The following PHC3 variants were observed in gnomAD, a reference collection of about 807,000 sequenced individuals.
PHC3 encodes polyhomeotic-like protein 3.
In PHC3, 13 loss-of-function variants were observed where a neutral mutation model predicts 107.4. That is an observed-to-expected ratio of 0.12 (90% CI 0.08 to 0.19). The LOEUF (loss-of-function observed/expected upper bound fraction) is 0.19. Among genes scored for constraint, PHC3 ranks in the 10% least tolerant of loss-of-function variants. The probability of loss-of-function intolerance (pLI) is 1.00; values close to 1 mark genes in which losing one functional copy is unlikely to be tolerated. For missense variants in PHC3, 992 were observed against 1,210.9 expected (o/e 0.82, Z 2.68); for synonymous variants, 456 against 427.4 (o/e 1.07, Z -0.83).
At chr3:170,099,406 A>G (rs1464765430) in intron 14 of PHC3, among the ~76,000 whole-genome samples, 1 of 152,208 alleles carries the variant, frequency 6.6e-6, no homozygotes, top group Non-Finnish European at 1.5e-5. Flanking sequence ...AAAAATTGGA[A>G]GCAAGTATGC....
intron 4 of PHC3, among the ~76,000 whole-genome samples, chr3:170,153,098 T>G (rs1726289557): frequency 6.6e-6 from 1 of 152,224 alleles, no homozygotes; most frequent in South Asian, 2.1e-4. Context: ...AACACATCTT[T>G]CTGGGTATCC....
At position 170,096,260 on chromosome 3, in the gene PHC3, T is replaced by C. The variant is rs935385581; in HGVS notation, c.*970A>G. 1.2e-4 allele frequency: 18 copies of C among 152,194 alleles called. No individual in the cohort carries two copies. The highest frequency in any genetic ancestry group is 4.3e-4 in the African/African-American group (18 of 41,454). 9.4% of individuals were successfully genotyped at this position (152,194 alleles called of 1,614,324 possible). Reference sequence around the variant, plus strand: ...CAGAATATTAATGTTATCTGAATAATACTTCCATCATATATGTTTAGTAAG... The same window carrying C: ...CAGAATATTAATGTTATCTGAATAACACTTCCATCATATATGTTTAGTAAG... On this transcript the variant is annotated 3_prime_UTR_variant, in exon 15 of 15. Coordinates refer to ENST00000495893, the MANE Select transcript of PHC3 (RefSeq NM_024947.4).
intron 4 of PHC3, 54 bp downstream of exon 4, chr3:170,171,319 G>A: frequency 7.7e-7 from 1 of 1,299,924 alleles, no homozygotes; most frequent in Non-Finnish European, 1.1e-6. Context: ...TTTACTTTTG[G>A]AAAACAATTC....
chr3:170,146,652 C>A (rs942397060), intron 5 of PHC3, among the ~76,000 whole-genome samples: 1 of 149,914 alleles, frequency 6.7e-6, no homozygotes, highest in African/African-American at 2.4e-5. Context: ...CCTGCCTCAG[C>A]TTCCCGAGTA....
chr3:170,111,863 G>C (rs1274661828), intron 11 of PHC3, among the ~76,000 whole-genome samples: 1 of 152,144 alleles, frequency 6.6e-6, no homozygotes, highest in Non-Finnish European at 1.5e-5. Flanking sequence ...ATTTAGCGAA[G>C]TAAAGGCACA....
chr3:170,136,767 C>T, intron 6 of PHC3, 102 bp from the exon 7 acceptor site: 1 of 1,236,718 alleles, frequency 8.1e-7, no homozygotes, highest in Non-Finnish European at 1.1e-6. Context: ...TTATATTATG[C>T]TTTTCATACG....
At chr3:170,176,847 T>C in intron 2 of PHC3, 2 of 448,162 alleles carry the variant, frequency 4.5e-6, no homozygotes, top group South Asian at 1.6e-5. Flanking sequence ...GAGTAATTAA[T>C]GAAAGAAGTA....
rs1264575888 is a variant in PHC3 at position 170,096,150 on chromosome 3, T to C, written c.*1080A>G. Reference sequence around the variant, plus strand: ...TTAGTACTTTCTGAGAGTTAAATTATTTGCATGTTTGTCCTTATTTTATAG... The same window carrying C: ...TTAGTACTTTCTGAGAGTTAAATTACTTGCATGTTTGTCCTTATTTTATAG... On this transcript the variant is annotated 3_prime_UTR_variant, in exon 15 of 15. Transcript: ENST00000495893. 1 of 152,132 alleles carries C rather than the reference T, an allele frequency of 6.6e-6. No individual in the cohort carries two copies. Among genetic ancestry groups the C allele is most frequent in the Non-Finnish European group, 1.5e-5 (1 of 68,032 alleles). 9.4% of individuals were successfully genotyped at this position (152,132 alleles called of 1,614,324 possible).
chr3:170,156,655 T>C (rs1282262669), intron 4 of PHC3, among the ~76,000 whole-genome samples: 2 of 151,778 alleles, frequency 1.3e-5, no homozygotes, highest in African/African-American at 4.8e-5. Context: ...TGGAGTGCAG[T>C]GGCGCCATCT....
Position 170,090,352 on chromosome 3 carries a change from G to A in PHC3, c.*6878C>T, listed in dbSNP as rs888405314. The A allele has an allele frequency of 3.3e-5, 5 of 152,128 alleles. No homozygotes were observed. Among genetic ancestry groups the A allele is most frequent in the South Asian group, 4.1e-4 (2 of 4,826 alleles). The allele number at this position is 152,128 out of a possible 1,614,324, so 9.4% of individuals were successfully genotyped here. ...TTTAAGCCACAATGAATTTTGGGGG[G>A]AAGATTTTACTTACTACTAGTTCCT... On this transcript the variant is annotated 3_prime_UTR_variant, in exon 15 of 15. Coordinates refer to ENST00000495893, the MANE Select transcript of PHC3 (RefSeq NM_024947.4).
intron 11 of PHC3, among the ~76,000 whole-genome samples, chr3:170,107,436 AT>A (rs1346811869): frequency 6.6e-6 from 1 of 152,194 alleles, no homozygotes; most frequent in Non-Finnish European, 1.5e-5. Flanking sequence ...TTACAGGAGC[AT>A]GCAAAATAAT....
chr3:170,164,044 CA>C (rs376187246), intron 4 of PHC3, among the ~76,000 whole-genome samples: 1 of 151,822 alleles, frequency 6.6e-6, no homozygotes. Context: ...TATAAAAAAA[CA>C]AACAAAAATA....
At chr3:170,123,642 A>T (rs1034747919) in intron 8 of PHC3, among the ~76,000 whole-genome samples, 3 of 151,592 alleles carry the variant, frequency 2.0e-5, no homozygotes, top group African/African-American at 7.3e-5. Flanking sequence ...AAATACAAAA[A>T]ATTAGCCAGG....
chr3:170,171,303 C>G, intron 4 of PHC3, 70 bp downstream of exon 4: 1 of 1,092,798 alleles, frequency 9.2e-7, no homozygotes, highest in Non-Finnish European at 1.3e-6. Context: ...TCATAAATAA[C>G]AACAGTTTAC....
chr3:170,145,597 G>A (rs1215272562), intron 5 of PHC3, 76 bp from the exon 6 acceptor site: 9 of 1,000,370 alleles, frequency 9.0e-6, no homozygotes, highest in East Asian at 2.5e-5. Context: ...GCAGGCAAGA[G>A]AGACTGAAAT....
Position 170,102,591 on chromosome 3 carries a change from C to T in PHC3, c.2721G>A (p.Arg907=), listed in dbSNP as rs777732845. 1 of 1,613,790 alleles carries T rather than the reference C, an allele frequency of 6.2e-7. No homozygotes were observed. The highest frequency in any genetic ancestry group is 1.1e-5 in the South Asian group (1 of 91,092). Residue 907 remains arginine, a synonymous_variant, in exon 14 of 15, where the codon CGG becomes CGA. Transcript: ENST00000495893. ...CAGGCATTTTCCGAATTCTCACATC[C>T]CGAAGCTCACGTTCTCTTTCCCGCT... ...QSEREREREL[R]DVRIRKMPEN...
chr3:170,100,645 G>T (rs908855043), intron 14 of PHC3, among the ~76,000 whole-genome samples: 2 of 152,084 alleles, frequency 1.3e-5, no homozygotes, highest in Non-Finnish European at 2.9e-5. Context: ...AACTCTATAA[G>T]ACAAGCATTT....
chr3:170,173,813 T>G (rs1369838583), intron 2 of PHC3, among the ~76,000 whole-genome samples: 2 of 152,136 alleles, frequency 1.3e-5, no homozygotes, highest in African/African-American at 4.8e-5. Context: ...GTAGCTAGAT[T>G]AGAGGTGATT....
chr3:170,123,431 T>C (rs148419800), intron 8 of PHC3, among the ~76,000 whole-genome samples: 5 of 152,048 alleles, frequency 3.3e-5, no homozygotes, highest in South Asian at 2.1e-4. Context: ...TCCATACTTA[T>C]GGGAGAAAGT....
Sources: gnomAD v4.1 joint callset for allele counts (sites outside exome capture counted in the v4.1 genomes callset) on GRCh38, gnomAD v4.1.1 for gene constraint, MANE v1.5 for transcripts, NCBI Gene and HGNC (gene_info 2026-07-23, HGNC 2026-07-21) for gene names.